The following SMYD3 variants were observed in gnomAD, a reference collection of about 807,000 sequenced individuals.
SMYD3 encodes histone-lysine N-methyltransferase SMYD3.
SMYD3 carries 36 observed loss-of-function variants against 57.7 expected under a neutral mutation model. That is an observed-to-expected ratio of 0.62 (90% CI 0.48 to 0.82). SMYD3 has a LOEUF of 0.82. SMYD3 is among the 40% of genes least tolerant of loss of function. The pLI is 0.00. For synonymous variants in SMYD3, 211 were observed against 195.0 expected (o/e 1.08, Z -0.68); for missense variants, 515 against 538.8 (o/e 0.96, Z 0.44).
In SMYD3 at chr1:246,253,575, A is replaced by C. The variant is rs148464239; in HGVS notation, c.531+73626T>G. Reference sequence around the variant, plus strand: ...TGCTATTGTGAATAGTGCAGCAATGATTCTTCCAATCCATGAGCATGGAAT... The same window carrying C: ...TGCTATTGTGAATAGTGCAGCAATGCTTCTTCCAATCCATGAGCATGGAAT... On this transcript the variant is annotated intron_variant, in intron 5 of 11. Coordinates refer to ENST00000490107, the MANE Select transcript of SMYD3 (RefSeq NM_001167740.2). 3.0e-3 allele frequency among the ~76,000 whole-genome samples: 451 copies of C among 152,316 alleles called. 2 individuals carry two copies. The highest frequency in any genetic ancestry group is 0.01 in the African/African-American group (433 of 41,578).
intron 5 of SMYD3, among the ~76,000 whole-genome samples, chr1:246,169,250 T>C (rs1280974030): frequency 1.3e-5 from 2 of 151,796 alleles, no homozygotes; most frequent in African/African-American, 2.4e-5. Flanking sequence ...TCTTCCACAC[T>C]GCAACGAATA....
chr1:246,236,273 G>A (rs1012569930), intron 5 of SMYD3, among the ~76,000 whole-genome samples: 8 of 152,040 alleles, frequency 5.3e-5, no homozygotes, highest in African/African-American at 1.2e-4. Context: ...CAATGTTGCC[G>A]AGGCTGGCAT....
At chr1:245,931,426 A>T (rs2056710647) in intron 5 of SMYD3, among the ~76,000 whole-genome samples, 2 of 152,180 alleles carry the variant, frequency 1.3e-5, no homozygotes, top group Admixed American at 6.5e-5. Flanking sequence ...AGCAAGTGGA[A>T]GATCATAGCT....
chr1:245,833,045 C>T (rs1332235142), intron 10 of SMYD3, among the ~76,000 whole-genome samples: 1 of 74,734 alleles, frequency 1.3e-5, no homozygotes, highest in Non-Finnish European at 2.8e-5. Flanking sequence ...TTAATTACTG[C>T]CCGGAATATG....
intron 5 of SMYD3, among the ~76,000 whole-genome samples, chr1:246,233,580 A>G (rs1388252452): frequency 7.2e-6 from 1 of 138,168 alleles, no homozygotes; most frequent in Non-Finnish European, 1.6e-5. Flanking sequence ...CACAGAGGAG[A>G]AGCACTCCTC....
intron 8 of SMYD3, among the ~76,000 whole-genome samples, chr1:245,901,901 T>G (rs1178973874): frequency 1.3e-5 from 2 of 152,190 alleles, no homozygotes; most frequent in Admixed American, 6.5e-5. Context: ...ACAGGAGAGC[T>G]GCTCAGCTTC....
At chr1:245,923,922 C>T (rs191753883) in intron 7 of SMYD3, among the ~76,000 whole-genome samples, 3 of 152,302 alleles carry the variant, frequency 2.0e-5, no homozygotes, top group South Asian at 2.1e-4. Flanking sequence ...GCAGTGAATT[C>T]GTTTAATGGT....
chr1:245,813,865 T>G (rs1448561352), intron 10 of SMYD3, among the ~76,000 whole-genome samples: 30 of 372 alleles, frequency 0.081, no homozygotes, highest in African/African-American at 0.14. Context: ...GAGCCCTATA[T>G]ATATATATAT....
rs1553354806 is a variant in SMYD3 at position 246,481,621 on chromosome 1, T to TAC, written c.164+25431_164+25432dup. ...ATATATATATATACACATACATATA[T>TAC]ACATACATACATACACATATTCATA... On this transcript the variant is annotated intron_variant, in intron 1 of 11. Transcript: ENST00000490107. 1.9e-3 allele frequency among the ~76,000 whole-genome samples: 189 copies of TAC among 98,130 alleles called. 3 individuals are homozygous for TAC. Among genetic ancestry groups the TAC allele is most frequent in the Middle Eastern group, 6.0e-3 (1 of 166 alleles). 64.4% of individuals were successfully genotyped at this position (98,130 alleles called of 152,430 possible).
chr1:246,110,715 C>T (rs1212700839), intron 5 of SMYD3, among the ~76,000 whole-genome samples: 1 of 152,224 alleles, frequency 6.6e-6, no homozygotes, highest in East Asian at 1.9e-4. Context: ...CAAGTGATGG[C>T]CCTCCCATGT....
chr1:245,862,641 GA>G (rs1367160281), intron 9 of SMYD3, among the ~76,000 whole-genome samples: 1 of 152,076 alleles, frequency 6.6e-6, no homozygotes, highest in South Asian at 2.1e-4. Flanking sequence ...GCCCGAGATG[GA>G]AAAACAACAC....
intron 1 of SMYD3, among the ~76,000 whole-genome samples, chr1:246,404,705 A>G (rs1345785814): frequency 6.6e-6 from 1 of 152,000 alleles, no homozygotes; most frequent in African/African-American, 2.4e-5. Flanking sequence ...GCTCTCCAAT[A>G]CTGGCCACAT....
At chr1:246,267,414 T>C (rs1312732783) in intron 5 of SMYD3, among the ~76,000 whole-genome samples, 1 of 152,226 alleles carries the variant, frequency 6.6e-6, no homozygotes. Context: ...GTTTATTTTA[T>C]GTTATTTGAT....
intron 5 of SMYD3, among the ~76,000 whole-genome samples, chr1:245,984,265 T>A (rs2058659063): frequency 6.6e-6 from 1 of 152,194 alleles, no homozygotes; most frequent in African/African-American, 2.4e-5. Flanking sequence ...GCCCATGTGC[T>A]GGGATTACAG....
intron 5 of SMYD3, among the ~76,000 whole-genome samples, chr1:246,022,017 T>C (rs891139510): frequency 4.3e-4 from 65 of 152,318 alleles, no homozygotes; most frequent in African/African-American, 1.5e-3. Context: ...GCTGGAAACA[T>C]GAACATCCAC....
At chr1:246,021,844 A>C (rs2059476221) in intron 5 of SMYD3, among the ~76,000 whole-genome samples, 1 of 152,218 alleles carries the variant, frequency 6.6e-6, no homozygotes. Flanking sequence ...TGTGCATTTC[A>C]ATGTGATATT....
intron 5 of SMYD3, among the ~76,000 whole-genome samples, chr1:246,082,824 C>A (rs2060658771): frequency 6.6e-6 from 1 of 152,114 alleles, no homozygotes; most frequent in Non-Finnish European, 1.5e-5. Context: ...ACCCCCAACC[C>A]TGTGCTCCCT....
intron 1 of SMYD3, among the ~76,000 whole-genome samples, chr1:246,371,152 T>C (rs2066185666): frequency 6.6e-6 from 1 of 152,200 alleles, no homozygotes; most frequent in African/African-American, 2.4e-5. Flanking sequence ...GTCCTTATGT[T>C]TTATAACAAC....
chr1:245,799,716 C>T (rs1248368843), intron 10 of SMYD3, among the ~76,000 whole-genome samples: 1 of 152,238 alleles, frequency 6.6e-6, no homozygotes, highest in Non-Finnish European at 1.5e-5. Flanking sequence ...GGATTAACTT[C>T]TCTGTGGTAT....
Sources: allele counts gnomAD v4.1 joint callset (sites outside exome capture counted in the v4.1 genomes callset), GRCh38; gene constraint gnomAD v4.1.1; transcripts MANE v1.5; gene names NCBI Gene and HGNC (gene_info 2026-07-23, HGNC 2026-07-21).